The following DACT2 variants were observed in gnomAD, a reference collection of about 807,000 sequenced individuals.
DACT2 encodes dapper homolog 2.
Under a neutral mutation model 22.2 loss-of-function variants are expected in DACT2, and 20 were observed. That is an observed-to-expected ratio of 0.90 (90% CI 0.63 to 1.31). DACT2 has a LOEUF of 1.31. DACT2 is among the 50% of genes most tolerant of loss of function. DACT2 has a pLI of 0.00. For missense variants in DACT2, 1,048 were observed against 1,061.4 expected (o/e 0.99, Z 0.18); for synonymous variants, 463 against 479.8 (o/e 0.96, Z 0.46).
rs934589751 is a variant in DACT2, at chr6:168,319,527, C to T, written c.107G>A (p.Arg36Gln). The T allele has an allele frequency of 1.3e-5, 18 of 1,364,908 alleles. No individual in the cohort carries two copies. Among genetic ancestry groups the T allele is most frequent in the Middle Eastern group, 5.4e-4 (2 of 3,678 alleles). The allele number at this position is 1,364,908 out of a possible 1,614,324, so 84.5% of individuals were successfully genotyped here. Residue 36 changes from arginine to glutamine, a missense_variant, in exon 1 of 4, where the codon CGA becomes CAA. Arg to Gln is a conservative substitution (Grantham distance 43). Coordinates refer to ENST00000366795, the MANE Select transcript of DACT2 (RefSeq NM_214462.5). ...CCGTACCCGCTCCTGCTGCGTGGCTCGCAGCCCCTGCAGCTCCTGCAGCCC... is the reference window on the plus strand; with the variant it reads ...CCGTACCCGCTCCTGCTGCGTGGCTTGCAGCCCCTGCAGCTCCTGCAGCCC... ...FAGLQELQGL[R>Q]ATQQERVRGA...
chr6:168,298,529 A>G (rs1464812028), intron 3 of DACT2: 1 of 152,220 alleles, frequency 6.6e-6, no homozygotes, highest in East Asian at 1.9e-4. Flanking sequence ...GTTATGCTTT[A>G]TTTTAACAGC....
downstream of DACT2, among the ~76,000 whole-genome samples, chr6:168,305,778 T>G (rs755045641): frequency 9.9e-5 from 15 of 152,204 alleles, no homozygotes; most frequent in Non-Finnish European, 1.6e-4. Context: ...GAATTAACTT[T>G]TACAATAACA....
At chr6:168,305,884 A>G (rs923717510), downstream of DACT2, among the ~76,000 whole-genome samples, 4 of 152,212 alleles carry the variant, frequency 2.6e-5, no homozygotes, top group Non-Finnish European at 5.9e-5. Context: ...TAGGAAGCAG[A>G]TTTCAGGAAG....
rs939366648 is a variant in DACT2 at position 168,308,823 on chromosome 6, C to T, written c.934G>A (p.Ala312Thr). Residue 312 changes from alanine to threonine, a missense_variant, in exon 4 of 4, where the codon GCA becomes ACA. Coordinates refer to ENST00000366795, the MANE Select transcript of DACT2 (RefSeq NM_214462.5). ...SFPRESPRGP[A>T]GLNTIQTGPV... Reference sequence around the variant, plus strand: ...CCAGTCTGGATGGTGTTCAGACCTGCGGGGCCCCTGGGGCTCTCCCTAGGG... The same window carrying T: ...CCAGTCTGGATGGTGTTCAGACCTGTGGGGCCCCTGGGGCTCTCCCTAGGG... The T allele has an allele frequency of 2.5e-5, 39 of 1,551,206 alleles. No homozygotes were observed. The highest frequency in any genetic ancestry group is 3.0e-5 in the Non-Finnish European group (34 of 1,146,996).
At chr6:168,303,538 C>T (rs994293011), downstream of DACT2, among the ~76,000 whole-genome samples, 1 of 152,230 alleles carries the variant, frequency 6.6e-6, no homozygotes, top group Non-Finnish European at 1.5e-5. Flanking sequence ...TCCCCTTCTG[C>T]TTTCTACCGT....
chr6:168,307,575 C>A lies in DACT2; in HGVS notation c.2182G>T (p.Ala728Ser). 2 of 1,550,550 alleles carry A rather than the reference C, an allele frequency of 1.3e-6. No individual in the cohort carries two copies. Among genetic ancestry groups the A allele is most frequent in the South Asian group, 2.4e-5 (2 of 83,980 alleles). Residue 728 changes from alanine to serine, a missense_variant, in exon 4 of 4, where the codon GCC (alanine) becomes TCC (serine). Ala to Ser is a moderately conservative substitution (Grantham distance 99). Coordinates refer to ENST00000366795, the MANE Select transcript of DACT2 (RefSeq NM_214462.5). This position sits in a 1 kb window ranked among gnomAD's most constrained non-coding sequence, Gnocchi z 5.3. ...GYVAAGHAELAWTQEAPVSSG... is the reference protein window; with the variant it reads ...GYVAAGHAELSWTQEAPVSSG... The stretch of plus-strand genomic sequence containing the variant: ...CTGACCGGGGCCTCCTGGGTCCAGG[C>A]CAGCTCCGCATGCCCGGCCGCCACA...
At chr6:168,313,312 G>A (rs1241443343) in intron 1 of DACT2, among the ~76,000 whole-genome samples, 1 of 152,160 alleles carries the variant, frequency 6.6e-6, no homozygotes, top group African/African-American at 2.4e-5. Flanking sequence ...CAAAGTGCTC[G>A]GATTACAGGC....
Position 168,310,176 on chromosome 6 carries a change from A to T in DACT2, c.650T>A (p.Val217Glu), listed in dbSNP as rs1779357576. ...CCCTGGCAGTTTCTTACCTGTAGAC[A>T]CAGGCCTGGGCCAGAATGTGCCCCA... is the stretch of plus-strand genomic sequence containing the variant. ...QPWGTFWPRP[V>E]STGDLDRALP... Residue 217 changes from valine to glutamate, a missense_variant, in exon 3 of 4, where the codon GTG becomes GAG. By Grantham distance (121) the Val-to-Glu change is moderately radical. Coordinates refer to ENST00000366795, the MANE Select transcript of DACT2 (RefSeq NM_214462.5). 1 of 1,549,532 alleles carries T rather than the reference A, an allele frequency of 6.5e-7. No individual in the cohort carries two copies. The highest frequency in any genetic ancestry group is 8.7e-7 in the Non-Finnish European group (1 of 1,146,794).
Position 168,319,751 on chromosome 6 carries a change from G to A in DACT2, c.-118C>T, listed in dbSNP as rs1779604052. 2.6e-6 allele frequency: 3 copies of A among 1,176,288 alleles called. No homozygotes were observed. In the South Asian group the frequency reaches 1.3e-4, roughly 50 times the overall value. 72.9% of individuals were successfully genotyped at this position (1,176,288 alleles called of 1,614,324 possible). A position where few individuals can be genotyped will look rare whatever the true frequency, so the allele number is the denominator to read the frequency against. ...GCCTCCTCTCTCCGCCCCCGGCTCC[G>A]CAGGTCGCCAAGGTGGGCTGGAATC... On this transcript the variant is annotated 5_prime_UTR_variant, in exon 1 of 4. Coordinates refer to ENST00000366795, the MANE Select transcript of DACT2 (RefSeq NM_214462.5).
At chr6:168,306,876 G>T, downstream of DACT2, 1 of 987,982 alleles carries the variant, frequency 1.0e-6, no homozygotes, top group South Asian at 4.6e-5. Context: ...CCTACCATGT[G>T]CCACACAAGG....
At chr6:168,318,123 G>A (rs1484922365) in intron 1 of DACT2, among the ~76,000 whole-genome samples, 2 of 151,716 alleles carry the variant, frequency 1.3e-5, no homozygotes, top group East Asian at 3.9e-4. Flanking sequence ...TGTGGCTGTC[G>A]TGTGCTGAGC....
chr6:168,318,894 C>T (rs1779577006), intron 1 of DACT2, among the ~76,000 whole-genome samples: 1 of 152,152 alleles, frequency 6.6e-6, no homozygotes, highest in Non-Finnish European at 1.5e-5. Context: ...AAAGTCAGCA[C>T]ATTCCTGAGG....
intron 1 of DACT2, among the ~76,000 whole-genome samples, chr6:168,311,882 G>T (rs1484460729): frequency 6.6e-6 from 1 of 152,194 alleles, no homozygotes; most frequent in Non-Finnish European, 1.5e-5. Context: ...CCTGCGTAAG[G>T]GTTTACTCTC....
At chr6:168,296,255 CA>C (rs569830405) in intron 3 of DACT2, among the ~76,000 whole-genome samples, 70 of 149,880 alleles carry the variant, frequency 4.7e-4, no homozygotes, top group African/African-American at 1.6e-3. Flanking sequence ...GATCCATCCA[CA>C]GTGGTGAGAA....
intron 3 of DACT2, 126 bp downstream of exon 3, chr6:168,310,042 C>A (rs77222534): frequency 4.3e-6 from 6 of 1,402,268 alleles, no homozygotes; most frequent in East Asian, 2.7e-5. Context: ...GGCCTTCCAG[C>A]GTCCCTTAGA....
At position 168,319,681 on chromosome 6, in the gene DACT2, G is replaced by A; in HGVS notation, c.-48C>T. 1.0e-5 allele frequency: 12 copies of A among 1,196,352 alleles called. No homozygotes were observed. Among genetic ancestry groups the A allele is most frequent in the Non-Finnish European group, 1.2e-5 (12 of 964,206 alleles). 74.1% of individuals were successfully genotyped at this position (1,196,352 alleles called of 1,614,324 possible). A position where few individuals can be genotyped will look rare whatever the true frequency, so the allele number is the denominator to read the frequency against. ...CCCGAACCCCACGAGCGGCGCCGGAGGCCCAGCGCGCGCGGATCCCGAGCT... is the reference window on the plus strand; with the variant it reads ...CCCGAACCCCACGAGCGGCGCCGGAAGCCCAGCGCGCGCGGATCCCGAGCT... On this transcript the variant is annotated 5_prime_UTR_variant, in exon 1 of 4. Transcript: ENST00000366795.
intron 1 of DACT2, among the ~76,000 whole-genome samples, chr6:168,319,142 G>C (rs1312243666): frequency 6.6e-6 from 1 of 152,164 alleles, no homozygotes; most frequent in Non-Finnish European, 1.5e-5. Context: ...CACGCACGGC[G>C]GAGCGCGGGC....
chr6:168,311,551 TAC>T (rs778387834), intron 1 of DACT2, among the ~76,000 whole-genome samples: 1 of 97,826 alleles, frequency 1.0e-5, no homozygotes, highest in Non-Finnish European at 2.2e-5. Context: ...CACACACACA[TAC>T]ACACACTCAC....
rs771407706 is a variant in DACT2 at position 168,307,898 on chromosome 6, C to T, written c.1859G>A (p.Arg620His). The T allele has an allele frequency of 4.3e-5, 60 of 1,400,614 alleles. No individual in the cohort carries two copies. Among genetic ancestry groups the T allele is most frequent in the African/African-American group, 3.4e-4 (19 of 55,310 alleles). The allele number at this position is 1,400,614 out of a possible 1,614,324, so 86.8% of individuals were successfully genotyped here. ...GTTAGACTCAGGACAGCTGGCCAGGCGGGCCCGGGCCGAGATCTCCACGGT... is the reference window on the plus strand; with the variant it reads ...GTTAGACTCAGGACAGCTGGCCAGGTGGGCCCGGGCCGAGATCTCCACGGT... ...QSTVEISARA[R>H]LASCPESNLG... The change falls in exon 4 of 4, where the codon CGC becomes CAC. Residue 620 changes from arginine to histidine, a missense_variant. Coordinates refer to ENST00000366795, the MANE Select transcript of DACT2 (RefSeq NM_214462.5). This position sits in a 1 kb window ranked among gnomAD's most constrained non-coding sequence, Gnocchi z 5.3.
Sources: allele counts gnomAD v4.1 joint callset (sites outside exome capture counted in the v4.1 genomes callset), GRCh38; gene constraint gnomAD v4.1.1; non-coding constraint Gnocchi (gnomAD v3.1); transcripts MANE v1.5; gene names NCBI Gene and HGNC (gene_info 2026-07-23, HGNC 2026-07-21).